The following WDTC1 variants were observed in gnomAD, a reference collection of about 807,000 sequenced individuals.
WDTC1 encodes WD and tetratricopeptide repeats protein 1.
A neutral mutation model predicts 76.0 loss-of-function variants in WDTC1; 12 were observed. The ratio of observed to expected loss-of-function variants is 0.16; its 90% CI spans 0.10 to 0.26. WDTC1 has a LOEUF of 0.26. Ranked by LOEUF, WDTC1 falls within the 10% of genes least tolerant of loss-of-function variation. The probability of loss-of-function intolerance (pLI) is 1.00; values close to 1 mark genes in which losing one functional copy is unlikely to be tolerated. For synonymous variants in WDTC1, 326 were observed against 350.8 expected (o/e 0.93, Z 0.79); for missense variants, 511 against 908.8 (o/e 0.56, Z 5.63).
intron 1 of WDTC1, among the ~76,000 whole-genome samples, chr1:27,243,575 C>T (rs994779018): frequency 2.6e-5 from 4 of 152,066 alleles, no homozygotes; most frequent in African/African-American, 7.2e-5. Context: ...GGTTGACTCT[C>T]TGTCTAAGAA....
intron 1 of WDTC1, among the ~76,000 whole-genome samples, chr1:27,249,266 C>CA (rs71010343): frequency 0.85 from 119,595 of 140,242 alleles, 52,112 homozygotes; most frequent in East Asian, 0.97. Context: ...GAGACTGTCT[C>CA]AAAAAAAAAA....
At chr1:27,261,826 G>A (rs1488591442) in intron 2 of WDTC1, among the ~76,000 whole-genome samples, 1 of 152,174 alleles carries the variant, frequency 6.6e-6, no homozygotes, top group Non-Finnish European at 1.5e-5. Flanking sequence ...GTTAAATGAT[G>A]ATAATGGCCA....
At chr1:27,269,658 A>T (rs2012800423) in intron 3 of WDTC1, among the ~76,000 whole-genome samples, 2 of 114,692 alleles carry the variant, frequency 1.7e-5, no homozygotes, top group Admixed American at 1.3e-4. Context: ...TCTGTCACCC[A>T]GGCTGGAGTG....
intron 1 of WDTC1, among the ~76,000 whole-genome samples, chr1:27,235,682 G>T (rs1258242022): frequency 6.6e-6 from 1 of 152,012 alleles, no homozygotes. Context: ...ACTTTGCTTG[G>T]TGGCTTGGGC....
At chr1:27,300,704 G>C (rs574989319) in intron 12 of WDTC1, among the ~76,000 whole-genome samples, 2 of 152,088 alleles carry the variant, frequency 1.3e-5, no homozygotes, top group African/African-American at 2.4e-5. Flanking sequence ...GCCAGGACAG[G>C]GGGGGGTCTG....
chr1:27,284,561 A>G (rs2013277811), intron 5 of WDTC1, among the ~76,000 whole-genome samples: 1 of 152,114 alleles, frequency 6.6e-6, no homozygotes. Flanking sequence ...ACTAACGGAA[A>G]CTGCTTTCTT....
chr1:27,301,341 G>A lies in WDTC1; in HGVS notation c.1348G>A (p.Ala450Thr), dbSNP rs770276034. ...ARCLFELKYV[A>T]EALECLDDFK... ...CTGCCTCTTTGAGCTCAAGTATGTGGCTGAAGCCCTGGAGTGCCTGGACGA... is the reference window on the plus strand; with the variant it reads ...CTGCCTCTTTGAGCTCAAGTATGTGACTGAAGCCCTGGAGTGCCTGGACGA... Residue 450 changes from alanine (A) to threonine (T), a missense_variant, in exon 13 of 16, where the codon GCT becomes ACT. Physicochemically the swap from Ala to Thr is moderately conservative, Grantham distance 58 (BLOSUM62 0). Transcript: ENST00000319394. The surrounding 1 kb of genome is among the most constrained non-coding windows in gnomAD (Gnocchi z 5.8). 5.0e-6 allele frequency: 8 copies of A among 1,614,058 alleles called. No homozygotes were observed. The highest frequency in any genetic ancestry group is 1.6e-4 in the Middle Eastern group (1 of 6,084).
In WDTC1 at chr1:27,287,881, A is replaced by C. The variant is rs774170893; in HGVS notation, c.479+20A>C. 1 of 1,607,664 alleles carries C rather than the reference A, an allele frequency of 6.2e-7. No individual in the cohort carries two copies. Among genetic ancestry groups the C allele is most frequent in the Admixed American group, 1.7e-5 (1 of 59,240 alleles). ...TATCCGGTAAGAGTCTGGGGCATCT[A>C]GTGGAGCCTGTCGCTCCCCCATCCC... is the stretch of plus-strand genomic sequence containing the variant. On this transcript the variant is annotated intron_variant, in intron 6 of 15. Coordinates refer to ENST00000319394, the MANE Select transcript of WDTC1 (RefSeq NM_001276252.2).
intron 11 of WDTC1, among the ~76,000 whole-genome samples, chr1:27,297,459 T>C (rs1281266154): frequency 6.6e-6 from 1 of 152,204 alleles, no homozygotes; most frequent in Admixed American, 6.5e-5. Flanking sequence ...TGCATACAAA[T>C]GGGCCTCCGC....
Position 27,306,704 on chromosome 1 carries a change from G to A in WDTC1, c.*321G>A. The A allele has an allele frequency of 2.5e-6, 1 of 393,724 alleles. No individual in the cohort carries two copies. The highest frequency in any genetic ancestry group is 4.7e-6 in the Non-Finnish European group (1 of 212,090). The allele number at this position is 393,724 out of a possible 1,614,324, so 24.4% of individuals were successfully genotyped here. ...TCAAAACCCCTTCTGCCTCAGGTGG[G>A]GAGGAACAAGCTGAACTGTCTTCAG... is the stretch of plus-strand genomic sequence containing the variant. On this transcript the variant is annotated 3_prime_UTR_variant, in exon 16 of 16. Transcript: ENST00000319394. The surrounding 1 kb of genome is among the most constrained non-coding windows in gnomAD (Gnocchi z 5.0).
Position 27,296,315 on chromosome 1 carries a change from C to G in WDTC1, c.874-11C>G, listed in dbSNP as rs749268447. The G allele has an allele frequency of 1.9e-6, 3 of 1,613,714 alleles. No individual in the cohort carries two copies. The highest frequency in any genetic ancestry group is 2.5e-6 in the Non-Finnish European group (3 of 1,179,870). ...AGCTTCCATCTCTTTTTTTGCCCCC[C>G]TCAACTCTAGGTCTATTTGTTTGAC... is the stretch of plus-strand genomic sequence containing the variant. On this transcript the variant is annotated splice_polypyrimidine_tract_variant and intron_variant, in intron 9 of 15. Coordinates refer to ENST00000319394, the MANE Select transcript of WDTC1 (RefSeq NM_001276252.2).
intron 3 of WDTC1, among the ~76,000 whole-genome samples, chr1:27,270,804 C>T (rs775134680): frequency 1.3e-5 from 2 of 152,180 alleles, no homozygotes; most frequent in Non-Finnish European, 2.9e-5. Flanking sequence ...AATTCTTCAC[C>T]ATGGGAGTTG....
chr1:27,240,064 T>C (rs2011584807), intron 1 of WDTC1, among the ~76,000 whole-genome samples: 1 of 151,798 alleles, frequency 6.6e-6, no homozygotes. Context: ...AATTTTTGTA[T>C]TTTTTTAGTA....
Position 27,305,868 on chromosome 1 carries a change from C to G in WDTC1, c.1837-318C>G, listed in dbSNP as rs549816997. Among the ~76,000 whole-genome samples, 1 of 152,050 alleles carries G rather than the reference C, an allele frequency of 6.6e-6. No homozygotes were observed. The highest frequency in any genetic ancestry group is 1.5e-5 in the Non-Finnish European group (1 of 68,006). ...AATGGGGTGGGGAAGTTGTATCTGCCCCTTGTCCCAGGTATCCCAGTATGT... is the reference window on the plus strand; with the variant it reads ...AATGGGGTGGGGAAGTTGTATCTGCGCCTTGTCCCAGGTATCCCAGTATGT... On this transcript the variant is annotated intron_variant, in intron 15 of 15. Transcript: ENST00000319394. This position sits in a 1 kb window ranked among gnomAD's most constrained non-coding sequence, Gnocchi z 4.6.
intron 3 of WDTC1, among the ~76,000 whole-genome samples, chr1:27,279,004 G>A (rs1354255340): frequency 6.6e-6 from 1 of 152,196 alleles, no homozygotes; most frequent in Admixed American, 6.5e-5. Flanking sequence ...GGACGTTGCA[G>A]TGAGCTGAGA....
In WDTC1 at chr1:27,307,657, A is replaced by T. The variant is rs1304478596; in HGVS notation, c.*1274A>T. 2.6e-5 allele frequency: 4 copies of T among 152,646 alleles called. No individual in the cohort carries two copies. Among genetic ancestry groups the T allele is most frequent in the African/African-American group, 4.8e-5 (2 of 41,346 alleles). 9.5% of individuals were successfully genotyped at this position (152,646 alleles called of 1,614,324 possible). A position where few individuals can be genotyped will look rare whatever the true frequency, so the allele number is the denominator to read the frequency against. On this transcript the variant is annotated 3_prime_UTR_variant, in exon 16 of 16. Transcript: ENST00000319394. This position sits in a 1 kb window ranked among gnomAD's most constrained non-coding sequence, Gnocchi z 4.1. ...CTGTCTCTGCCAGGTGCCTCCTCTC[A>T]GTCAGGCTTCAGAGCAGCCCTGGAG...
chr1:27,258,727 CAT>C (rs2012373070), intron 1 of WDTC1, among the ~76,000 whole-genome samples: 1 of 152,222 alleles, frequency 6.6e-6, no homozygotes, highest in South Asian at 2.1e-4. Context: ...TCTGCAATAA[CAT>C]AATGTTTAGG....
In WDTC1 at chr1:27,273,306, T is replaced by G. The variant is rs914812735; in HGVS notation, c.133-8933T>G. On this transcript the variant is annotated intron_variant, in intron 3 of 15. Coordinates refer to ENST00000319394, the MANE Select transcript of WDTC1 (RefSeq NM_001276252.2). ...TCACTGCAACCTCTGCCTCCCAGGTTCACGCCATTCTCCTGCCTCAGCCTA... is the reference window on the plus strand; with the variant it reads ...TCACTGCAACCTCTGCCTCCCAGGTGCACGCCATTCTCCTGCCTCAGCCTA... 6.0e-5 allele frequency among the ~76,000 whole-genome samples: 9 copies of G among 151,086 alleles called. No homozygotes were observed. In the Admixed American group the frequency reaches 6.0e-4, roughly 10 times the overall value.
chr1:27,253,314 C>T (rs1242982861), intron 1 of WDTC1, among the ~76,000 whole-genome samples: 14 of 149,842 alleles, frequency 9.3e-5, no homozygotes, highest in East Asian at 3.9e-4. Context: ...TGCGCCCGGC[C>T]GGCCTCCTCT....
Sources: gnomAD v4.1 joint callset for allele counts (sites outside exome capture counted in the v4.1 genomes callset) on GRCh38, gnomAD v4.1.1 for gene constraint, Gnocchi (gnomAD v3.1) non-coding constraint, MANE v1.5 for transcripts, NCBI Gene and HGNC (gene_info 2026-07-23, HGNC 2026-07-21) for gene names.